BICD1: variants seen among roughly 807,000 people sequenced by gnomAD.
The protein encoded by BICD1 is protein bicaudal D homolog 1.
A neutral mutation model predicts 92.5 loss-of-function variants in BICD1; 35 were observed. The ratio of observed to expected loss-of-function variants is 0.38; its 90% CI spans 0.29 to 0.50. The LOEUF (loss-of-function observed/expected upper bound fraction) is 0.50, where lower values mean the gene tolerates loss of function less well. Among genes scored for constraint, BICD1 ranks in the 20% least tolerant of loss-of-function variants. BICD1 has a pLI of 0.93. For synonymous variants in BICD1, 429 were observed against 465.1 expected (o/e 0.92, Z 1.00); for missense variants, 950 against 1,189.8 (o/e 0.80, Z 2.97).
intron 8 of BICD1, among the ~76,000 whole-genome samples, chr12:32,341,821 T>C (rs7955481): frequency 0.33 from 50,367 of 151,936 alleles, 9,555 homozygotes; most frequent in African/African-American, 0.52. Flanking sequence ...ATATATGTTA[T>C]TTTCCCTCAG....
chr12:32,107,743 A>G, intron 1 of BICD1, 199 bp downstream of exon 1: 1 of 746,854 alleles, frequency 1.3e-6, no homozygotes, highest in Non-Finnish European at 2.3e-6. Context: ...ATGAATATAT[A>G]AGCTGGAATT....
chr12:32,236,998 C>T (rs1485664066), intron 2 of BICD1, among the ~76,000 whole-genome samples: 1 of 151,750 alleles, frequency 6.6e-6, no homozygotes, highest in Non-Finnish European at 1.5e-5. Context: ...CCTCAGCCTC[C>T]CATGTAGCTG....
At chr12:32,216,144 C>T (rs558021149) in intron 1 of BICD1, 103 bp from the exon 2 acceptor site, 3 of 1,191,566 alleles carry the variant, frequency 2.5e-6, no homozygotes, top group Admixed American at 5.0e-5. Context: ...TGCAGGGTAG[C>T]TTTTCTTACA....
intron 8 of BICD1, among the ~76,000 whole-genome samples, chr12:32,361,503 AG>A (rs1939323361): frequency 6.6e-6 from 1 of 151,334 alleles, no homozygotes; most frequent in South Asian, 2.1e-4. Context: ...CAATGAGCCA[AG>A]ATCACGTCAC....
At chr12:32,374,910 CTTTTT>C (rs1185628924) in intron 9 of BICD1, among the ~76,000 whole-genome samples, 2 of 49,634 alleles carry the variant, frequency 4.0e-5, no homozygotes, top group African/African-American at 1.0e-4. Context: ...ATTTATTTTC[CTTTTT>C]TTTTTTTTTT....
chr12:32,107,916 C>T, intron 1 of BICD1: 1 of 563,032 alleles, frequency 1.8e-6, no homozygotes, highest in Admixed American at 2.9e-5. Flanking sequence ...TCGTAGTCCA[C>T]AAAAGTGATG....
At chr12:32,261,551 A>G (rs1946860350) in intron 2 of BICD1, among the ~76,000 whole-genome samples, 1 of 152,186 alleles carries the variant, frequency 6.6e-6, no homozygotes, top group Admixed American at 6.5e-5. Flanking sequence ...ACTCCAGTGG[A>G]AAAAGGTGAT....
intron 1 of BICD1, among the ~76,000 whole-genome samples, chr12:32,206,421 C>G (rs1945057018): frequency 6.6e-6 from 1 of 152,136 alleles, no homozygotes; most frequent in Non-Finnish European, 1.5e-5. Flanking sequence ...GCCTGGCCAA[C>G]AAGGTGAAAC....
At position 32,215,102 on chromosome 12, in the gene BICD1, G is replaced by A. The variant is rs552530284; in HGVS notation, c.214-1145G>A. On this transcript the variant is annotated intron_variant, in intron 1 of 9. Transcript: ENST00000652176. ...AAATTAGCTGGGCATGGTGATGGGC[G>A]TCTGTAATCCCAGCTACATGGGAGG... Among the ~76,000 whole-genome samples, 7 of 152,200 alleles carry A rather than the reference G, an allele frequency of 4.6e-5. No individual in the cohort carries two copies. In the South Asian group the frequency reaches 8.3e-4, roughly 18 times the overall value.
chr12:32,117,088 A>C (rs1941942857), intron 1 of BICD1, among the ~76,000 whole-genome samples: 1 of 152,190 alleles, frequency 6.6e-6, no homozygotes, highest in Admixed American at 6.5e-5. Context: ...ATTTTGGATC[A>C]AAATAAATCA....
chr12:32,370,239 C>A (rs926606808), intron 9 of BICD1, among the ~76,000 whole-genome samples: 26 of 151,834 alleles, frequency 1.7e-4, no homozygotes, highest in African/African-American at 5.8e-4. Flanking sequence ...TGGTGATGTG[C>A]GCCTGTAATC....
chr12:32,252,939 A>G (rs543151137), intron 2 of BICD1, among the ~76,000 whole-genome samples: 18 of 152,190 alleles, frequency 1.2e-4, no homozygotes, highest in African/African-American at 4.1e-4. Flanking sequence ...TGGCATGATC[A>G]TGGCTCATTG....
At chr12:32,314,914 G>A (rs1948461227) in intron 4 of BICD1, among the ~76,000 whole-genome samples, 1 of 152,064 alleles carries the variant, frequency 6.6e-6, no homozygotes, top group African/African-American at 2.4e-5. Flanking sequence ...CTGAGTAGCT[G>A]GGACTACAGG....
Position 32,378,899 on chromosome 12 carries a change from T to C in BICD1, c.*1272T>C, listed in dbSNP as rs1940088145. 1 of 152,224 alleles carries C rather than the reference T, an allele frequency of 6.6e-6. No homozygotes were observed. The highest frequency in any genetic ancestry group is 2.4e-5 in the African/African-American group (1 of 41,466). 9.4% of individuals were successfully genotyped at this position (152,224 alleles called of 1,614,324 possible). On this transcript the variant is annotated 3_prime_UTR_variant, in exon 10 of 10. Transcript: ENST00000652176. ...CTGCTGGGTAACTTTTATGACTTGA[T>C]TTAAGGCAGTGGATTTTCATAGCAA...
intron 2 of BICD1, among the ~76,000 whole-genome samples, chr12:32,276,427 C>T (rs1227235998): frequency 6.6e-6 from 1 of 152,186 alleles, no homozygotes; most frequent in African/African-American, 2.4e-5. Context: ...CCGCATCCAC[C>T]TTTAAACACG....
At chr12:32,169,115 T>A (rs1943860274) in intron 1 of BICD1, among the ~76,000 whole-genome samples, 1 of 152,248 alleles carries the variant, frequency 6.6e-6, no homozygotes, top group Non-Finnish European at 1.5e-5. Flanking sequence ...TGTGATTAAC[T>A]CTGTGGAGTT....
intron 2 of BICD1, among the ~76,000 whole-genome samples, chr12:32,226,864 C>G (rs937019530): frequency 1.3e-5 from 2 of 152,234 alleles, no homozygotes; most frequent in African/African-American, 4.8e-5. Context: ...ACACCCAACC[C>G]CTGGAGCTCT....
intron 8 of BICD1, among the ~76,000 whole-genome samples, chr12:32,341,576 C>T (rs1480741278): frequency 6.6e-6 from 1 of 151,924 alleles, no homozygotes; most frequent in Non-Finnish European, 1.5e-5. Flanking sequence ...TAATTCTCAC[C>T]ATTTATGTAA....
intron 2 of BICD1, among the ~76,000 whole-genome samples, chr12:32,235,356 G>GA (rs1233293427): frequency 1.3e-5 from 2 of 152,172 alleles, no homozygotes; most frequent in Non-Finnish European, 1.5e-5. Context: ...GCCTGAAGAG[G>GA]AATAAAAATC....
Sources: allele counts gnomAD v4.1 joint callset (sites outside exome capture counted in the v4.1 genomes callset), GRCh38; gene constraint gnomAD v4.1.1; transcripts MANE v1.5; gene names NCBI Gene and HGNC (gene_info 2026-07-23, HGNC 2026-07-21).